ENG: variants seen among roughly 807,000 people sequenced by gnomAD.
The protein encoded by ENG is endoglin.
A neutral mutation model predicts 71.0 loss-of-function variants in ENG; 17 were observed. The observed-to-expected ratio is 0.24, with a 90% CI of 0.16 to 0.36. The LOEUF (loss-of-function observed/expected upper bound fraction) is 0.36. ENG is among the 10% of genes least tolerant of loss of function. The pLI, the probability that ENG is intolerant of heterozygous loss-of-function variation, is 1.00. For synonymous variants in ENG, 360 were observed against 366.9 expected (o/e 0.98, Z 0.21); for missense variants, 749 against 868.3 (o/e 0.86, Z 1.73).
intron 5 of ENG, 66 bp downstream of exon 5, chr9:127,825,629 G>GT: frequency 2.4e-6 from 3 of 1,265,406 alleles, no homozygotes; most frequent in Admixed American, 3.3e-5. Context: ...GAGAGGGGGC[G>GT]GGGGGGGTCA....
chr9:127,843,756 T>TATATATATATATATATATA (rs58967129), intron 1 of ENG, among the ~76,000 whole-genome samples: 1 of 4,248 alleles, frequency 2.4e-4, no homozygotes, highest in African/African-American at 5.9e-4. Flanking sequence ...TATATATATA[T>TATATATATATATATATATA]TTTTTTTTTT....
At chr9:127,825,594 T>C in intron 5 of ENG, 101 bp downstream of exon 5, 2 of 1,075,042 alleles carry the variant, frequency 1.9e-6, no homozygotes, top group Non-Finnish European at 2.5e-6. Flanking sequence ...GGGCTGGGAC[T>C]GGGGTGGGGC....
At chr9:127,817,633 G>A in intron 12 of ENG, 2 of 359,136 alleles carry the variant, frequency 5.6e-6, no homozygotes, top group Non-Finnish European at 1.1e-5. Flanking sequence ...CAAGGGCCTG[G>A]GGGTGACTCT....
chr9:127,852,506 A>G (rs1829052099), intron 1 of ENG, among the ~76,000 whole-genome samples: 1 of 152,206 alleles, frequency 6.6e-6, no homozygotes, highest in Non-Finnish European at 1.5e-5. Flanking sequence ...GTGCACTGGG[A>G]CCAGCTCCTA....
chr9:127,822,840 G>A (rs180868646), intron 8 of ENG, among the ~76,000 whole-genome samples: 1 of 152,218 alleles, frequency 6.6e-6, no homozygotes, highest in East Asian at 1.9e-4. Flanking sequence ...TTTAAAGCAT[G>A]TTTTTTGTTT....
In ENG at chr9:127,829,670, G is replaced by A. The variant is rs1830711396; in HGVS notation, c.360+17C>T. 6.2e-7 allele frequency: 1 copy of A among 1,613,712 alleles called. No individual in the cohort carries two copies. Among genetic ancestry groups the A allele is most frequent in the South Asian group, 1.1e-5 (1 of 91,028 alleles). ...ATGGCCAGAGCCTCAGCCTGGGGTT[G>A]GAGGGAACACACTCACGTAGGCCAA... On this transcript the variant is annotated intron_variant, in intron 3 of 14. Coordinates refer to ENST00000373203, the MANE Select transcript of ENG (RefSeq NM_001114753.3).
intron 2 of ENG, among the ~76,000 whole-genome samples, chr9:127,837,424 T>C (rs537368036): frequency 2.0e-5 from 3 of 152,196 alleles, no homozygotes; most frequent in Non-Finnish European, 4.4e-5. Context: ...TGGAGAGATA[T>C]GCTTCTTCCT....
chr9:127,846,692 G>T lies in ENG; in HGVS notation c.68-3447C>A, dbSNP rs1185285540. The stretch of plus-strand genomic sequence containing the variant: ...GCAGACGAGAATGGGGAGACAGGAG[G>T]GAGTGTGACGCCTGGGCCTGTCTCC... On this transcript the variant is annotated intron_variant, in intron 1 of 14. Coordinates refer to ENST00000373203, the MANE Select transcript of ENG (RefSeq NM_001114753.3). This position sits in a 1 kb window ranked among gnomAD's most constrained non-coding sequence, Gnocchi z 5.5. Among the ~76,000 whole-genome samples the T allele has an allele frequency of 6.6e-6, 1 of 152,160 alleles. No homozygotes were observed. Among genetic ancestry groups the T allele is most frequent in the Non-Finnish European group, 1.5e-5 (1 of 68,028 alleles).
intron 3 of ENG, chr9:127,827,184 C>T (rs1002658337): frequency 5.8e-5 from 9 of 154,770 alleles, no homozygotes; most frequent in Admixed American, 1.9e-4. Context: ...GGGTGCTCCC[C>T]GCCTATGGGA....
chr9:127,818,932 CTGACTCTCTTTTT>C (rs1159438149), intron 10 of ENG, 100 bp from the exon 11 acceptor site: 7 of 993,122 alleles, frequency 7.0e-6, no homozygotes, highest in Non-Finnish European at 9.3e-6. Flanking sequence ...GTGGAGTTGC[CTGACTCTCTTTTT>C]TTTTTTTTTT....
At chr9:127,840,529 A>G (rs1831006342) in intron 2 of ENG, among the ~76,000 whole-genome samples, 1 of 152,164 alleles carries the variant, frequency 6.6e-6, no homozygotes, top group Non-Finnish European at 1.5e-5. Context: ...ACAACAAAAA[A>G]CAAACAAACA....
At chr9:127,847,669 C>G (rs368198287) in intron 1 of ENG, among the ~76,000 whole-genome samples, 1 of 152,136 alleles carries the variant, frequency 6.6e-6, no homozygotes, top group East Asian at 1.9e-4. Context: ...AGGCTGGTCT[C>G]AAACTCCTGG....
chr9:127,817,855 C>G (rs543778448), intron 12 of ENG: 10 of 576,416 alleles, frequency 1.7e-5, no homozygotes, highest in Non-Finnish European at 3.1e-5. Context: ...GATGGACGGA[C>G]GGGTAAGTGA....
chr9:127,837,643 AGGAACATCATCAGCCCACTTG>A (rs532475082), intron 2 of ENG, among the ~76,000 whole-genome samples: 92 of 152,348 alleles, frequency 6.0e-4, no homozygotes, highest in Non-Finnish European at 1.2e-3. Flanking sequence ...ATAAACAGCA[AGGAACATCATCAGCCCACTTG>A]GGAATAGCCA....
Position 127,815,968 on chromosome 9 carries a change from T to A in ENG, c.1827A>T (p.Ala609=). 1 of 1,605,146 alleles carries A rather than the reference T, an allele frequency of 6.2e-7. No homozygotes were observed. The highest frequency in any genetic ancestry group is 1.3e-5 in the African/African-American group (1 of 74,928). ...GCGTGTGCGAGTAGATGTACCAGAG[T>A]GCAGCAGTGAGCAGGGCCCCGATGA... ...AFLIGALLTA[A]LWYIYSHTRS... Residue 609 remains alanine, a synonymous_variant, in exon 14 of 15, where the codon GCA becomes GCT. Transcript: ENST00000373203.
Position 127,846,259 on chromosome 9 carries a change from G to A in ENG, c.68-3014C>T, listed in dbSNP as rs41475247. Among the ~76,000 whole-genome samples, 19,749 of 152,030 alleles carry A rather than the reference G, an allele frequency of 0.13. 1,587 individuals carry two copies. Among genetic ancestry groups the A allele is most frequent in the African/African-American group, 0.23 (9,355 of 41,402 alleles). ...CTCCCCACCCTCTCCTTTCCTCATC[G>A]GTGAGCGCAGGTTCCTTGGCTGTTA... On this transcript the variant is annotated intron_variant, in intron 1 of 14. Transcript: ENST00000373203. This position sits in a 1 kb window ranked among gnomAD's most constrained non-coding sequence, Gnocchi z 5.5.
intron 8 of ENG, among the ~76,000 whole-genome samples, chr9:127,820,347 C>T (rs973473007): frequency 2.6e-5 from 4 of 151,938 alleles, no homozygotes; most frequent in African/African-American, 9.6e-5. Context: ...GCACGTGCCA[C>T]CATGCCCGGC....
chr9:127,842,122 C>G (rs995318276), intron 2 of ENG, among the ~76,000 whole-genome samples: 5 of 152,138 alleles, frequency 3.3e-5, no homozygotes, highest in Admixed American at 6.5e-5. Flanking sequence ...CGTCTCCAGG[C>G]CGGCAGCAGC....
intron 4 of ENG, 93 bp downstream of exon 4, chr9:127,826,417 C>A (rs1422978979): frequency 6.5e-7 from 1 of 1,548,454 alleles, no homozygotes; most frequent in Non-Finnish European, 8.8e-7. Flanking sequence ...CCCTCCTGCA[C>A]TCTTGGTGCC....
Sources: allele counts gnomAD v4.1 joint callset (sites outside exome capture counted in the v4.1 genomes callset), GRCh38; gene constraint gnomAD v4.1.1; non-coding constraint Gnocchi (gnomAD v3.1); transcripts MANE v1.5; gene names NCBI Gene and HGNC (gene_info 2026-07-23, HGNC 2026-07-21).